Variants in HIVEP3 observed in about 807,000 individuals in gnomAD.
The protein encoded by HIVEP3 is transcription factor HIVEP3.
In HIVEP3, 49 loss-of-function variants were observed where a neutral mutation model predicts 152.8. That is an observed-to-expected ratio of 0.32 (90% CI 0.26 to 0.41). The LOEUF (loss-of-function observed/expected upper bound fraction) is 0.41, where lower values mean the gene tolerates loss of function less well. HIVEP3 is among the 10% of genes least tolerant of loss of function. The probability of loss-of-function intolerance (pLI) is 1.00; values close to 1 mark genes in which losing one functional copy is unlikely to be tolerated. For missense variants in HIVEP3, 2,790 were observed against 3,103.3 expected (o/e 0.90, Z 2.40); for synonymous variants, 1,269 against 1,289.0 (o/e 0.98, Z 0.33).
intron 1 of HIVEP3, among the ~76,000 whole-genome samples, chr1:41,746,378 G>T (rs1281203768): frequency 6.6e-6 from 1 of 152,226 alleles, no homozygotes; most frequent in Non-Finnish European, 1.5e-5. Context: ...TGGCTGTGAA[G>T]TCCTCTCTCT....
intron 1 of HIVEP3, among the ~76,000 whole-genome samples, chr1:41,993,714 G>A (rs1389971534): frequency 4.7e-5 from 7 of 150,030 alleles, no homozygotes; most frequent in African/African-American, 9.8e-5. Context: ...TGTTTATTGC[G>A]GCACTATTCA....
chr1:42,017,662 G>A (rs760552699), intron 1 of HIVEP3, among the ~76,000 whole-genome samples: 7 of 151,940 alleles, frequency 4.6e-5, no homozygotes, highest in Non-Finnish European at 8.8e-5. Flanking sequence ...CTATTCTACT[G>A]TCTTTGGATA....
chr1:41,629,185 CCGGTTCCCCTGGTGCACAGA>C (rs1645159266), intron 2 of HIVEP3, among the ~76,000 whole-genome samples: 1 of 152,152 alleles, frequency 6.6e-6, no homozygotes, highest in Non-Finnish European at 1.5e-5. Context: ...CTCAAGATTT[CCGGTTCCCCTGGTGCACAGA>C]CCCTGCAAAG....
chr1:41,928,060 C>CAAAAAAA (rs10660316), intron 1 of HIVEP3, among the ~76,000 whole-genome samples: 1 of 86,310 alleles, frequency 1.2e-5, no homozygotes, highest in Non-Finnish European at 2.3e-5. Flanking sequence ...GACTCCATCT[C>CAAAAAAA]AAAAAAAAAA....
chr1:41,746,249 C>T (rs115839615), intron 1 of HIVEP3, among the ~76,000 whole-genome samples: 4,005 of 152,312 alleles, frequency 0.026, 90 homozygotes, highest in Admixed American at 0.048. Context: ...TGGGTCTCTG[C>T]TAATCACCTC....
At chr1:41,992,017 C>T (rs1302948347) in intron 1 of HIVEP3, among the ~76,000 whole-genome samples, 1 of 149,566 alleles carries the variant, frequency 6.7e-6, no homozygotes, top group Non-Finnish European at 1.5e-5. Flanking sequence ...TAAGAGCTAT[C>T]TATGACAAAC....
At chr1:41,674,125 G>A (rs879438258) in intron 2 of HIVEP3, among the ~76,000 whole-genome samples, 3 of 152,234 alleles carry the variant, frequency 2.0e-5, no homozygotes, top group African/African-American at 4.8e-5. Flanking sequence ...CAGGAGAATT[G>A]AATGTCACCC....
At chr1:41,630,676 G>A (rs1645182217) in intron 2 of HIVEP3, among the ~76,000 whole-genome samples, 1 of 152,192 alleles carries the variant, frequency 6.6e-6, no homozygotes, top group Admixed American at 6.5e-5. Context: ...TTGGAAAGCA[G>A]AATGTTCCCC....
At chr1:41,537,692 AG>A (rs1489689921) in intron 5 of HIVEP3, among the ~76,000 whole-genome samples, 1 of 152,246 alleles carries the variant, frequency 6.6e-6, no homozygotes, top group East Asian at 1.9e-4. Flanking sequence ...TAAACTGGGG[AG>A]GCCATGTGGG....
chr1:41,585,667 A>T (rs893575006), intron 3 of HIVEP3, among the ~76,000 whole-genome samples: 3 of 152,224 alleles, frequency 2.0e-5, no homozygotes, highest in South Asian at 4.2e-4. Flanking sequence ...CTGTTTTGTG[A>T]TCCACTCTGA....
chr1:41,816,359 C>A (rs980768867), intron 1 of HIVEP3, among the ~76,000 whole-genome samples: 1 of 152,058 alleles, frequency 6.6e-6, no homozygotes, highest in African/African-American at 2.4e-5. Context: ...CAGATCAAAC[C>A]CAGAAGGCAA....
chr1:42,009,658 C>T (rs532227466), intron 1 of HIVEP3, among the ~76,000 whole-genome samples: 1 of 152,266 alleles, frequency 6.6e-6, no homozygotes, highest in East Asian at 1.9e-4. Flanking sequence ...TGAAATTCAT[C>T]ATAATGTGTC....
rs184597784 is a variant in HIVEP3, at chr1:41,893,176, C to T, written c.-801+25237G>A. 9.9e-5 allele frequency among the ~76,000 whole-genome samples: 15 copies of T among 151,544 alleles called. No individual in the cohort carries two copies. The East Asian group carries it at 2.9e-3, about 30-fold the overall frequency. On this transcript the variant is annotated intron_variant, in intron 1 of 8. Transcript: ENST00000372583. ...CAAAAAACCCACAGCTGAGAAGCCT[C>T]TGGCTCAAACCCACATACAGAAGCT... is the stretch of plus-strand genomic sequence containing the variant.
intron 1 of HIVEP3, among the ~76,000 whole-genome samples, chr1:41,802,215 C>CTTTTTG (rs1650350447): frequency 6.6e-6 from 1 of 152,224 alleles, no homozygotes; most frequent in South Asian, 2.1e-4. Flanking sequence ...TTTTTCCAAG[C>CTTTTTG]TTTTTGTTTT....
intron 1 of HIVEP3, among the ~76,000 whole-genome samples, chr1:41,741,867 C>T (rs1468309310): frequency 6.6e-6 from 1 of 152,208 alleles, no homozygotes; most frequent in African/African-American, 2.4e-5. Context: ...CTGTAGGATG[C>T]CAGAAACATA....
chr1:41,963,519 G>A (rs1249915314), intron 1 of HIVEP3, among the ~76,000 whole-genome samples: 2 of 151,490 alleles, frequency 1.3e-5, no homozygotes, highest in Non-Finnish European at 2.9e-5. Context: ...GGCCTGTTGT[G>A]GGGTGGGGGG....
chr1:41,876,815 C>T (rs1033577364), intron 1 of HIVEP3, among the ~76,000 whole-genome samples: 4 of 152,176 alleles, frequency 2.6e-5, no homozygotes, highest in Admixed American at 6.5e-5. Flanking sequence ...AATGTTTCTA[C>T]AATATGTTAC....
chr1:41,677,518 A>G (rs1399028222), intron 2 of HIVEP3, among the ~76,000 whole-genome samples: 1 of 152,244 alleles, frequency 6.6e-6, no homozygotes, highest in Non-Finnish European at 1.5e-5. Context: ...CATCAGGAGA[A>G]TGATGAGACA....
intron 1 of HIVEP3, among the ~76,000 whole-genome samples, chr1:41,794,298 G>A (rs931699870): frequency 6.6e-6 from 1 of 152,142 alleles, no homozygotes; most frequent in African/African-American, 2.4e-5. Context: ...CAGTAGGGGG[G>A]AAAATGCCCC....
Sources: gnomAD v4.1 joint callset for allele counts (sites outside exome capture counted in the v4.1 genomes callset) on GRCh38, gnomAD v4.1.1 for gene constraint, MANE v1.5 for transcripts, NCBI Gene and HGNC (gene_info 2026-07-23, HGNC 2026-07-21) for gene names.